The following CASK variants were observed in gnomAD, a reference collection of about 807,000 sequenced individuals.
CASK encodes calcium/calmodulin dependent serine protein kinase.
In CASK, 4 loss-of-function variants were observed where a neutral mutation model predicts 82.9. The observed-to-expected ratio is 0.05, with a 90% CI of 0.02 to 0.11. CASK has a LOEUF of 0.11. Ranked by LOEUF, CASK falls within the 10% of genes least tolerant of loss-of-function variation. The probability of loss-of-function intolerance (pLI) is 1.00; values close to 1 mark genes in which losing one functional copy is unlikely to be tolerated. For missense variants in CASK, 358 were observed against 720.9 expected (o/e 0.50, Z 5.76); for synonymous variants, 259 against 253.5 (o/e 1.02, Z -0.20).
At chrX:41,840,730 C>T (rs1229513253) in intron 2 of CASK, among the ~76,000 whole-genome samples, 1 of 111,721 alleles carries the variant, frequency 9.0e-6, no homozygotes, top group South Asian at 3.7e-4. Context: ...TTGTAGACTT[C>T]TTTATCAAGT....
chrX:41,552,551 A>G (rs1298131119), intron 21 of CASK: 3 of 111,869 alleles, frequency 2.7e-5, no homozygotes, highest in Non-Finnish European at 3.8e-5. Context: ...TAAAATGTAA[A>G]TATCAGTAAG....
chrX:41,836,772 T>A (rs778217101), intron 2 of CASK, among the ~76,000 whole-genome samples: 6 of 111,557 alleles, frequency 5.4e-5, no homozygotes, highest in Non-Finnish European at 1.1e-4. Context: ...TCTAACAATA[T>A]CAATTGCAAG....
chrX:41,841,300 T>C (rs755234965), intron 2 of CASK, among the ~76,000 whole-genome samples: 3 of 111,379 alleles, frequency 2.7e-5, no homozygotes, highest in Non-Finnish European at 5.7e-5. Context: ...TAAAAGCCAA[T>C]GACACTGAAT....
chrX:41,916,317 C>T (rs932635681), intron 1 of CASK, among the ~76,000 whole-genome samples: 10 of 112,306 alleles, frequency 8.9e-5, no homozygotes, highest in Admixed American at 5.6e-4. Flanking sequence ...AAACTAGCTT[C>T]GGAAATGAAA....
chrX:41,729,992 G>C (rs2068361985), intron 5 of CASK: 1 of 114,708 alleles, frequency 8.7e-6, no homozygotes, highest in Non-Finnish European at 2.0e-5. Context: ...AAAAAAAAAA[G>C]CGTGTACTAT....
rs1463728706 is a variant in CASK, at chrX:41,678,337, G to A, written c.430-6807C>T. Among the ~76,000 whole-genome samples, 7 of 106,957 alleles carry A rather than the reference G, an allele frequency of 6.5e-5. No individual in the cohort carries two copies. The Admixed American group carries it at 7.0e-4, about 11-fold the overall frequency. 92.9% of individuals were successfully genotyped at this position (106,957 alleles called of 115,157 possible). A position where few individuals can be genotyped will look rare whatever the true frequency, so the allele number is the denominator to read the frequency against. ...TTTCCAATGTTCATGCCATTGATTTGTTAAGATACTAGGTAATTTTTCCTG... is the reference window on the plus strand; with the variant it reads ...TTTCCAATGTTCATGCCATTGATTTATTAAGATACTAGGTAATTTTTCCTG... On this transcript the variant is annotated intron_variant, in intron 5 of 26. Coordinates refer to ENST00000378163, the MANE Select transcript of CASK (RefSeq NM_001367721.1).
chrX:41,534,964 T>G lies in CASK; in HGVS notation c.2165A>C (p.Gln722Pro). 1 of 1,170,447 alleles carries G rather than the reference T, an allele frequency of 8.5e-7. No individual in the cohort carries two copies. Among genetic ancestry groups the G allele is most frequent in the Non-Finnish European group, 1.2e-6 (1 of 860,016 alleles). Residue 722 changes from glutamine (Q) to proline (P), a missense_variant, in exon 23 of 27, where the codon CAA (glutamine) becomes CCA (proline). Physicochemically the swap from Gln to Pro is moderately conservative, Grantham distance 76. This residue lies in a region of CASK where 118 missense variants were observed against 169.4 expected (regional missense o/e 0.70). Coordinates refer to ENST00000378163, the MANE Select transcript of CASK (RefSeq NM_001367721.1). ...TTCTTCATATGTGACAAGATCTAAT[T>G]GATCAAACACTAAAACGCAAAGATT... ...YLAKHNAVFDQLDLVTYEEVV... is the reference protein window; with the variant it reads ...YLAKHNAVFDPLDLVTYEEVV...
intron 5 of CASK, among the ~76,000 whole-genome samples, chrX:41,700,858 G>T (rs981723759): frequency 7.5e-5 from 7 of 93,084 alleles, no homozygotes; most frequent in Non-Finnish European, 1.4e-4. Flanking sequence ...GGGATTACAG[G>T]CATTGAGCCA....
At chrX:41,599,784 A>T (rs776875016) in intron 12 of CASK, among the ~76,000 whole-genome samples, 21 of 111,847 alleles carry the variant, frequency 1.9e-4, no homozygotes, top group Admixed American at 2.9e-4. Context: ...AAGTGGTCAA[A>T]TAACTCTAAA....
chrX:41,856,372 T>C (rs1198659211), intron 1 of CASK, among the ~76,000 whole-genome samples: 1 of 111,439 alleles, frequency 9.0e-6, no homozygotes, highest in East Asian at 2.8e-4. Context: ...CTGGAAAAGC[T>C]GAACTGCAAA....
At chrX:41,816,163 A>G (rs1472157407) in intron 2 of CASK, among the ~76,000 whole-genome samples, 1 of 112,177 alleles carries the variant, frequency 8.9e-6, no homozygotes. Flanking sequence ...AAAAAACAAA[A>G]TTTTTTAATT....
At chrX:41,701,895 T>C (rs763702403) in intron 5 of CASK, among the ~76,000 whole-genome samples, 3 of 112,459 alleles carry the variant, frequency 2.7e-5, no homozygotes, top group African/African-American at 6.5e-5. Flanking sequence ...ATTTTACATA[T>C]GTAGGGATGC....
At chrX:41,690,299 AAAAC>A (rs1244948199) in intron 5 of CASK, among the ~76,000 whole-genome samples, 1 of 109,744 alleles carries the variant, frequency 9.1e-6, no homozygotes, top group African/African-American at 3.3e-5. Context: ...AGGAGAAAAA[AAAAC>A]AGTCACCAAG....
In CASK at chrX:41,532,080, C is replaced by T. The variant is rs887723013; in HGVS notation, c.2318-871G>A. 8.1e-5 allele frequency among the ~76,000 whole-genome samples: 9 copies of T among 111,446 alleles called. No individual in the cohort carries two copies. In the East Asian group the frequency reaches 1.1e-3, roughly 14 times the overall value. On this transcript the variant is annotated intron_variant, in intron 24 of 26. Coordinates refer to ENST00000378163, the MANE Select transcript of CASK (RefSeq NM_001367721.1). ...CCTCCTGAGCAGCTGGGATTATAGG[C>T]GTGTACCACCATGCCCAGCTATTTT...
At chrX:41,533,166 A>G (rs189110100) in intron 24 of CASK, among the ~76,000 whole-genome samples, 18 of 112,038 alleles carry the variant, frequency 1.6e-4, no homozygotes, top group Admixed American at 6.6e-4. Flanking sequence ...CAGTAGTTAG[A>G]TATATGTTAT....
At chrX:41,891,620 C>G (rs1316550161) in intron 1 of CASK, among the ~76,000 whole-genome samples, 1 of 111,393 alleles carries the variant, frequency 9.0e-6, no homozygotes, top group Non-Finnish European at 1.9e-5. Context: ...CTTTAGCAGA[C>G]CAGTTGTAAT....
chrX:41,707,698 G>A (rs1481851110), intron 5 of CASK, among the ~76,000 whole-genome samples: 1 of 111,582 alleles, frequency 9.0e-6, no homozygotes, highest in African/African-American at 3.3e-5. Flanking sequence ...GAGAGCGAGA[G>A]AGAGAAAGAG....
At chrX:41,590,742 T>G (rs1464878494) in intron 12 of CASK, among the ~76,000 whole-genome samples, 6 of 110,690 alleles carry the variant, frequency 5.4e-5, no homozygotes, top group Non-Finnish European at 5.7e-5. Context: ...ATTTCCTAAC[T>G]TCTCTAAAAC....
At chrX:41,575,276 A>C (rs995843165) in intron 15 of CASK, among the ~76,000 whole-genome samples, 2 of 111,843 alleles carry the variant, frequency 1.8e-5, no homozygotes, top group African/African-American at 6.5e-5. Context: ...TGTAGTTAAC[A>C]TTTATTATTC....
Sources: gnomAD v4.1 joint callset for allele counts (sites outside exome capture counted in the v4.1 genomes callset) on GRCh38, gnomAD v4.1.1 for gene constraint, gnomAD v4.1.1 regional missense constraint, MANE v1.5 for transcripts, NCBI Gene and HGNC (gene_info 2026-07-23, HGNC 2026-07-21) for gene names.